The following LRRTM4 variants were observed in gnomAD, a reference collection of about 807,000 sequenced individuals.
LRRTM4 encodes the protein leucine-rich repeat transmembrane neuronal protein 4.
Under a neutral mutation model 47.6 loss-of-function variants are expected in LRRTM4, and 25 were observed. The ratio of observed to expected loss-of-function variants is 0.53; its 90% CI spans 0.38 to 0.73. The LOEUF (loss-of-function observed/expected upper bound fraction) is 0.73. LRRTM4 is among the 30% of genes least tolerant of loss of function. The probability of loss-of-function intolerance (pLI) is 0.00; values close to 1 mark genes in which losing one functional copy is unlikely to be tolerated. For missense variants in LRRTM4, 638 were observed against 713.4 expected, an observed-to-expected ratio of 0.89 and a Z score of 1.20; for synonymous variants, 311 against 269.5, an observed-to-expected ratio of 1.15 and a Z score of -1.51.
In LRRTM4 at chr2:76,957,002, G is replaced by A. The variant is rs139933314; in HGVS notation, c.1552-208086C>T. Among the ~76,000 whole-genome samples the A allele has an allele frequency of 9.9e-5, 15 of 151,732 alleles. No homozygotes were observed. The East Asian group carries it at 2.0e-3, about 20-fold the overall frequency. On this transcript the variant is annotated intron_variant, in intron 3 of 3. Transcript: ENST00000409884. Reference sequence around the variant, plus strand: ...ACAGCATTACTAACAATAAACAAGAGTTAGAAACAAATTGTGTCCATCAAT... The same window carrying A: ...ACAGCATTACTAACAATAAACAAGAATTAGAAACAAATTGTGTCCATCAAT...
chr2:77,064,737 A>G (rs1364340606), intron 3 of LRRTM4, among the ~76,000 whole-genome samples: 1 of 152,104 alleles, frequency 6.6e-6, no homozygotes, highest in African/African-American at 2.4e-5. Context: ...TAAGAAATTT[A>G]TTTCCATAAA....
chr2:77,464,880 G>C (rs1405410971), intron 3 of LRRTM4, among the ~76,000 whole-genome samples: 4 of 152,142 alleles, frequency 2.6e-5, no homozygotes, highest in Non-Finnish European at 5.9e-5. Context: ...AACCAGGTGT[G>C]TGTTATGTAA....
At chr2:77,260,541 T>A (rs1675893474) in intron 3 of LRRTM4, among the ~76,000 whole-genome samples, 3 of 152,026 alleles carry the variant, frequency 2.0e-5, no homozygotes, top group African/African-American at 7.2e-5. Context: ...TCCTAATAGC[T>A]ATTAACTACC....
chr2:77,520,132 C>T (rs1298038684), intron 2 of LRRTM4, among the ~76,000 whole-genome samples: 2 of 152,078 alleles, frequency 1.3e-5, no homozygotes, highest in African/African-American at 4.8e-5. Flanking sequence ...CTTATTTCAA[C>T]ATTGAAAAGC....
intron 3 of LRRTM4, among the ~76,000 whole-genome samples, chr2:76,992,016 G>A (rs1221996803): frequency 6.6e-6 from 1 of 151,562 alleles, no homozygotes; most frequent in Non-Finnish European, 1.5e-5. Flanking sequence ...ACCACATAAA[G>A]AAAATCAAAT....
chr2:76,900,391 A>G (rs1260981523), intron 3 of LRRTM4, among the ~76,000 whole-genome samples: 1 of 144,116 alleles, frequency 6.9e-6, no homozygotes, highest in Admixed American at 7.3e-5. Flanking sequence ...AAAACTTCAT[A>G]TTATTTCATG....
chr2:77,183,545 T>G (rs1251790836), intron 3 of LRRTM4, among the ~76,000 whole-genome samples: 3 of 152,112 alleles, frequency 2.0e-5, no homozygotes, highest in African/African-American at 7.2e-5. Flanking sequence ...GATCTAGAAA[T>G]AGAATTACCA....
intron 3 of LRRTM4, among the ~76,000 whole-genome samples, chr2:77,138,671 A>G (rs2103753258): frequency 6.6e-6 from 1 of 152,314 alleles, no homozygotes; most frequent in East Asian, 1.9e-4. Flanking sequence ...TCAAAAAATC[A>G]ATGAATCAAT....
chr2:77,477,746 G>T (rs1413408856), intron 3 of LRRTM4, among the ~76,000 whole-genome samples: 1 of 150,756 alleles, frequency 6.6e-6, no homozygotes, highest in Non-Finnish European at 1.5e-5. Context: ...GGCTATGGCA[G>T]GAGAATTCCT....
At chr2:77,002,379 G>A (rs1038781715) in intron 3 of LRRTM4, among the ~76,000 whole-genome samples, 1 of 152,072 alleles carries the variant, frequency 6.6e-6, no homozygotes, top group African/African-American at 2.4e-5. Context: ...TTGGCTAGAG[G>A]AAGTCATTTT....
intron 3 of LRRTM4, among the ~76,000 whole-genome samples, chr2:76,813,486 T>C (rs75527911): frequency 0.071 from 10,816 of 152,228 alleles, 438 homozygotes; most frequent in Middle Eastern, 0.14. Context: ...AAAATATTTA[T>C]TGCTACTTTG....
At chr2:77,309,942 C>G (rs1475827072) in intron 3 of LRRTM4, among the ~76,000 whole-genome samples, 3 of 152,052 alleles carry the variant, frequency 2.0e-5, no homozygotes, top group Non-Finnish European at 4.4e-5. Context: ...TTTTTTTTAA[C>G]TATTGTCTGT....
chr2:77,301,510 C>G (rs543030353), intron 3 of LRRTM4, among the ~76,000 whole-genome samples: 82 of 152,172 alleles, frequency 5.4e-4, no homozygotes, highest in South Asian at 1.7e-3. Flanking sequence ...TTACTACTAA[C>G]AAAAAGTAAT....
At chr2:77,021,393 A>C (rs1678264423) in intron 3 of LRRTM4, among the ~76,000 whole-genome samples, 2 of 151,402 alleles carry the variant, frequency 1.3e-5, no homozygotes, top group African/African-American at 2.4e-5. Flanking sequence ...GGCTGCAATG[A>C]CTCACTTCTG....
chr2:76,767,086 A>G (rs1282654645), intron 3 of LRRTM4, among the ~76,000 whole-genome samples: 3 of 151,804 alleles, frequency 2.0e-5, no homozygotes, highest in African/African-American at 7.3e-5. Flanking sequence ...ATTTTTCACC[A>G]CCCTTTGCAG....
chr2:76,858,359 C>G (rs1377763515), intron 3 of LRRTM4, among the ~76,000 whole-genome samples: 1 of 152,166 alleles, frequency 6.6e-6, no homozygotes, highest in East Asian at 1.9e-4. Context: ...TTTTTCCGAC[C>G]TGAAGTCAAA....
At chr2:76,889,642 T>C (rs937780956) in intron 3 of LRRTM4, among the ~76,000 whole-genome samples, 1 of 151,998 alleles carries the variant, frequency 6.6e-6, no homozygotes, top group African/African-American at 2.4e-5. Context: ...AGTTAACTGA[T>C]GATCCAATTA....
At chr2:76,897,462 ATATGG>A (rs1673461312) in intron 3 of LRRTM4, among the ~76,000 whole-genome samples, 1 of 152,176 alleles carries the variant, frequency 6.6e-6, no homozygotes, top group African/African-American at 2.4e-5. Context: ...CATAGTTTAC[ATATGG>A]TATGTGCTAT....
At chr2:77,054,226 C>T (rs911316525) in intron 3 of LRRTM4, among the ~76,000 whole-genome samples, 2 of 150,292 alleles carry the variant, frequency 1.3e-5, no homozygotes, top group African/African-American at 2.5e-5. Flanking sequence ...AAGCTTCTAG[C>T]CAAATGTGCA....
Sources: gnomAD v4.1 joint callset for allele counts (sites outside exome capture counted in the v4.1 genomes callset) on GRCh38, gnomAD v4.1.1 for gene constraint, MANE v1.5 for transcripts, NCBI Gene and HGNC (gene_info 2026-07-23, HGNC 2026-07-21) for gene names.